The following CLMN variants were observed in gnomAD, a reference collection of about 807,000 sequenced individuals.
The protein encoded by CLMN is calmin.
A neutral mutation model predicts 92.7 loss-of-function variants in CLMN; 57 were observed. The ratio of observed to expected loss-of-function variants is 0.61; its 90% CI spans 0.50 to 0.77. The LOEUF (loss-of-function observed/expected upper bound fraction) is 0.77, where lower values mean the gene tolerates loss of function less well. CLMN is among the 30% of genes least tolerant of loss of function. The pLI, the probability that CLMN is intolerant of heterozygous loss-of-function variation, is 0.00. For synonymous variants in CLMN, 466 were observed against 470.6 expected, an observed-to-expected ratio of 0.99 and a Z score of 0.13; for missense variants, 1,158 against 1,237.5, an observed-to-expected ratio of 0.94 and a Z score of 0.96.
chr14:95,213,349 A>G lies in CLMN; in HGVS notation c.478T>C (p.Ser160Pro), dbSNP rs1897249289. ...NSPSSSLSPG[S>P]GGTDSDSSFP... ...GATGAGTCTGAGTCTGTGCCCCCTGAGCCAGGGGACAAGCTGGAAGATGGA... is the reference window on the plus strand; with the variant it reads ...GATGAGTCTGAGTCTGTGCCCCCTGGGCCAGGGGACAAGCTGGAAGATGGA... The change falls in exon 6 of 13, where the codon TCA becomes CCA. Residue 160 changes from serine to proline, a missense_variant. Ser to Pro is a moderately conservative substitution (Grantham distance 74, BLOSUM62 -1). Transcript: ENST00000298912. The G allele has an allele frequency of 6.2e-7, 1 of 1,613,150 alleles. No individual in the cohort carries two copies. The highest frequency in any genetic ancestry group is 8.5e-7 in the Non-Finnish European group (1 of 1,179,652).
At chr14:95,291,730 G>C (rs1203223438) in intron 1 of CLMN, among the ~76,000 whole-genome samples, 3 of 152,098 alleles carry the variant, frequency 2.0e-5, no homozygotes, top group Non-Finnish European at 4.4e-5. Flanking sequence ...CCAGAAATGG[G>C]GACAAGAATG....
intron 1 of CLMN, among the ~76,000 whole-genome samples, chr14:95,287,262 C>A (rs1262718030): frequency 6.6e-6 from 1 of 152,200 alleles, no homozygotes; most frequent in Non-Finnish European, 1.5e-5. Flanking sequence ...GTGCACAAAC[C>A]CTCTGTCTGA....
intron 1 of CLMN, among the ~76,000 whole-genome samples, chr14:95,230,891 C>T (rs1471435054): frequency 6.6e-6 from 1 of 152,236 alleles, no homozygotes; most frequent in African/African-American, 2.4e-5. Flanking sequence ...CCAATGTGAA[C>T]CGAAGGACAT....
chr14:95,232,184 T>C (rs1897910714), intron 1 of CLMN, among the ~76,000 whole-genome samples: 1 of 152,256 alleles, frequency 6.6e-6, no homozygotes, highest in Non-Finnish European at 1.5e-5. Context: ...CCAGTGCCAG[T>C]GTCTGGGTGA....
chr14:95,203,271 C>G lies in CLMN; in HGVS notation c.2078G>C (p.Ser693Thr). The change falls in exon 9 of 13, where the codon AGC becomes ACC. Residue 693 changes from serine to threonine, a missense_variant. Coordinates refer to ENST00000298912, the MANE Select transcript of CLMN (RefSeq NM_024734.4). ...GEELSSSPPS[S>T]CVSLETLGSH... is the part of the protein sequence containing the mutation. ...CCCAAGGGTCTCCAAGCTGACACAGCTGCTTGGGGGGCTGGAAGATAATTC... is the reference window on the plus strand; with the variant it reads ...CCCAAGGGTCTCCAAGCTGACACAGGTGCTTGGGGGGCTGGAAGATAATTC... 1 of 1,614,016 alleles carries G rather than the reference C, an allele frequency of 6.2e-7. No individual in the cohort carries two copies. Among genetic ancestry groups the G allele is most frequent in the Non-Finnish European group, 8.5e-7 (1 of 1,180,022 alleles).
At chr14:95,254,035 G>A (rs767273319) in intron 1 of CLMN, among the ~76,000 whole-genome samples, 13 of 152,284 alleles carry the variant, frequency 8.5e-5, no homozygotes, top group Middle Eastern at 3.4e-3. Context: ...GGGCAGATCC[G>A]AGAACCCCTG....
intron 1 of CLMN, among the ~76,000 whole-genome samples, chr14:95,310,619 C>A (rs1479831227): frequency 6.6e-6 from 1 of 152,180 alleles, no homozygotes; most frequent in Non-Finnish European, 1.5e-5. Context: ...GCTGGCAGGA[C>A]AAAGATTCGT....
At chr14:95,278,210 T>TTGCTC (rs1334605628) in intron 1 of CLMN, among the ~76,000 whole-genome samples, 1 of 152,198 alleles carries the variant, frequency 6.6e-6, no homozygotes, top group Non-Finnish European at 1.5e-5. Context: ...GAGGTTACCT[T>TTGCTC]TGCAAAAGTT....
chr14:95,241,250 C>T (rs1380445548), intron 1 of CLMN, among the ~76,000 whole-genome samples: 2 of 151,978 alleles, frequency 1.3e-5, no homozygotes, highest in African/African-American at 4.8e-5. Context: ...GACCAACTGT[C>T]CGGATTTGCC....
rs1353728953 is a variant in CLMN, at chr14:95,259,815, T to A, written c.83-29682A>T. On this transcript the variant is annotated intron_variant, in intron 1 of 12. Coordinates refer to ENST00000298912, the MANE Select transcript of CLMN (RefSeq NM_024734.4). This position sits in a 1 kb window ranked among gnomAD's most constrained non-coding sequence, Gnocchi z 4.3. ...CAGGACTCTTCAGCATTAAAATGCA[T>A]GGCCAGCTGCACCTGCGTTTCCTCT... 2.0e-5 allele frequency among the ~76,000 whole-genome samples: 3 copies of A among 152,178 alleles called. No individual in the cohort carries two copies. Among genetic ancestry groups the A allele is most frequent in the Admixed American group, 2.0e-4 (3 of 15,284 alleles).
intron 1 of CLMN, among the ~76,000 whole-genome samples, chr14:95,274,978 C>CAAAAAAAAAAAAAAAAAA: frequency 1.3e-5 from 1 of 76,382 alleles, no homozygotes; most frequent in Non-Finnish European, 2.8e-5. Context: ...CACTCTGTCT[C>CAAAAAAAAAAAAAAAAAA]AAAAAAAAAA....
intron 4 of CLMN, among the ~76,000 whole-genome samples, chr14:95,217,584 G>A (rs1271099925): frequency 6.6e-6 from 1 of 152,242 alleles, no homozygotes; most frequent in East Asian, 1.9e-4. Flanking sequence ...CGCAAGTCCT[G>A]CATGATGGAT....
intron 2 of CLMN, among the ~76,000 whole-genome samples, chr14:95,228,326 C>T (rs1897775134): frequency 6.6e-6 from 1 of 152,158 alleles, no homozygotes; most frequent in South Asian, 2.1e-4. Context: ...TAACACTTCA[C>T]TTTAGGAGCA....
Position 95,194,212 on chromosome 14 carries a change from G to A in CLMN, c.2770-293C>T, listed in dbSNP as rs937332543. On this transcript the variant is annotated intron_variant, in intron 11 of 12. Transcript: ENST00000298912. The surrounding 1 kb of genome is among the most constrained non-coding windows in gnomAD (Gnocchi z 4.0). ...ACTGAGCACGTGCCACTGTCCATCG[G>A]ACCTTGACTCATGTTGCACCTCTGT... 18 of 1,395,924 alleles carry A rather than the reference G, an allele frequency of 1.3e-5. No individual in the cohort carries two copies. Among genetic ancestry groups the A allele is most frequent in the Non-Finnish European group, 1.5e-5 (16 of 1,079,266 alleles). 86.5% of individuals were successfully genotyped at this position (1,395,924 alleles called of 1,614,324 possible). A position where few individuals can be genotyped will look rare whatever the true frequency, so the allele number is the denominator to read the frequency against.
At chr14:95,265,258 CAGCTGACTTTGAG>C (rs1899428195) in intron 1 of CLMN, among the ~76,000 whole-genome samples, 1 of 151,836 alleles carries the variant, frequency 6.6e-6, no homozygotes, top group Non-Finnish European at 1.5e-5. Flanking sequence ...AAAAAATCCC[CAGCTGACTTTGAG>C]AAAAGCAGAC....
At chr14:95,193,510 G>T in intron 12 of CLMN, 1 of 821,628 alleles carries the variant, frequency 1.2e-6, no homozygotes, top group Non-Finnish European at 1.9e-6. Context: ...CTCCTGCCTG[G>T]CCGTCCCTTT....
chr14:95,252,617 G>A (rs1898834891), intron 1 of CLMN, among the ~76,000 whole-genome samples: 1 of 152,196 alleles, frequency 6.6e-6, no homozygotes, highest in African/African-American at 2.4e-5. Context: ...CAGGCTTAGG[G>A]TGGGGACTGG....
At chr14:95,239,655 G>A (rs1898177747) in intron 1 of CLMN, among the ~76,000 whole-genome samples, 1 of 152,208 alleles carries the variant, frequency 6.6e-6, no homozygotes, top group South Asian at 2.1e-4. Flanking sequence ...GCTAAGTTTG[G>A]AACATATTAC....
chr14:95,201,566 C>CTTT (rs57205690), intron 9 of CLMN, among the ~76,000 whole-genome samples: 2,414 of 139,612 alleles, frequency 0.017, 63 homozygotes, highest in African/African-American at 0.053. Context: ...CTTTTTTTTC[C>CTTT]TTTTTTTTTT....
Sources: gnomAD v4.1 joint callset for allele counts (sites outside exome capture counted in the v4.1 genomes callset) on GRCh38, gnomAD v4.1.1 for gene constraint, Gnocchi (gnomAD v3.1) non-coding constraint, MANE v1.5 for transcripts, NCBI Gene and HGNC (gene_info 2026-07-23, HGNC 2026-07-21) for gene names.